Variants in USH2A observed in about 807,000 individuals in gnomAD.
USH2A encodes Usher syndrome 2A (autosomal recessive, mild).
In USH2A, 443 loss-of-function variants were observed where a neutral mutation model predicts 538.9. The ratio of observed to expected loss-of-function variants is 0.82; its 90% CI spans 0.76 to 0.89. The LOEUF is 0.89. Among genes scored for constraint, USH2A ranks in the 40% least tolerant of loss-of-function variants. The pLI, the probability that USH2A is intolerant of heterozygous loss-of-function variation, is 0.00. For synonymous variants in USH2A, 2,413 were observed against 2,273.5 expected (o/e 1.06, Z -1.75); for missense variants, 6,633 against 6,324.8 (o/e 1.05, Z -1.65).
chr1:215,930,055 A>G (rs1666325584), intron 38 of USH2A, among the ~76,000 whole-genome samples: 1 of 152,012 alleles, frequency 6.6e-6, no homozygotes, highest in South Asian at 2.1e-4. Flanking sequence ...GATTTTCTCA[A>G]GCCTAGTATT....
At chr1:215,765,223 C>T (rs1661093477) in intron 56 of USH2A, among the ~76,000 whole-genome samples, 1 of 152,128 alleles carries the variant, frequency 6.6e-6, no homozygotes, top group Admixed American at 6.6e-5. Context: ...CCATTATCAT[C>T]AAAGTATCCA....
At chr1:216,384,885 C>T (rs2038979725) in intron 3 of USH2A, among the ~76,000 whole-genome samples, 1 of 152,150 alleles carries the variant, frequency 6.6e-6, no homozygotes, top group Non-Finnish European at 1.5e-5. Context: ...GACTCAAAGA[C>T]AATATAAGCA....
intron 47 of USH2A, among the ~76,000 whole-genome samples, chr1:215,828,491 T>C (rs1663219855): frequency 6.6e-6 from 1 of 152,114 alleles, no homozygotes; most frequent in East Asian, 1.9e-4. Flanking sequence ...TTAATAACGA[T>C]AGTGGTTTAG....
chr1:216,205,686 G>A (rs558644792), intron 16 of USH2A, among the ~76,000 whole-genome samples: 1 of 152,220 alleles, frequency 6.6e-6, no homozygotes, highest in South Asian at 2.1e-4. Context: ...AATTAAGCAT[G>A]GTTAAAGTAG....
rs570245301 is a variant in USH2A at position 216,376,562 on chromosome 1, A to C, written c.652-11477T>G. ...ATCACCATTTTCACTTTTCCTCAAA[A>C]TGTTTATAGTTTTTTAAAAATCTCT... On this transcript the variant is annotated intron_variant, in intron 3 of 71. Transcript: ENST00000307340. 2.0e-5 allele frequency among the ~76,000 whole-genome samples: 3 copies of C among 152,318 alleles called. No homozygotes were observed. The South Asian group carries it at 6.2e-4, about 32-fold the overall frequency.
chr1:215,746,490 G>C (rs942955855), intron 58 of USH2A, among the ~76,000 whole-genome samples: 3 of 152,148 alleles, frequency 2.0e-5, no homozygotes, highest in African/African-American at 7.2e-5. Flanking sequence ...GTTTTTACTA[G>C]TGCATGGTGG....
chr1:215,763,480 C>T (rs1360879897), intron 56 of USH2A, among the ~76,000 whole-genome samples: 1 of 151,970 alleles, frequency 6.6e-6, no homozygotes, highest in Admixed American at 6.6e-5. Context: ...TGAGGGGAAC[C>T]CACATAAAGT....
At chr1:216,217,582 A>G (rs1265780023) in intron 14 of USH2A, 32 bp from the exon 15 acceptor site, 2 of 1,610,212 alleles carry the variant, frequency 1.2e-6, no homozygotes, top group East Asian at 4.5e-5. Context: ...CATCAAAGAG[A>G]ATAGTGTTTT....
At chr1:216,063,924 G>A (rs2031264132) in intron 30 of USH2A, among the ~76,000 whole-genome samples, 1 of 152,174 alleles carries the variant, frequency 6.6e-6, no homozygotes, top group African/African-American at 2.4e-5. Flanking sequence ...AAATGAATGT[G>A]TGCTATACAT....
At chr1:216,194,305 T>C (rs1208285693) in intron 19 of USH2A, 3 of 152,044 alleles carry the variant, frequency 2.0e-5, no homozygotes, top group Non-Finnish European at 4.4e-5. Context: ...CTGCGATGAG[T>C]TACCAGTAGA....
chr1:216,420,824 C>G (rs1263581674), intron 2 of USH2A, among the ~76,000 whole-genome samples: 1 of 151,900 alleles, frequency 6.6e-6, no homozygotes, highest in Non-Finnish European at 1.5e-5. Context: ...GTGATTAATC[C>G]AAATTTAAAA....
chr1:216,135,758 G>A (rs1407874637), intron 21 of USH2A, among the ~76,000 whole-genome samples: 1 of 151,982 alleles, frequency 6.6e-6, no homozygotes, highest in Non-Finnish European at 1.5e-5. Context: ...AATCCTATGT[G>A]CATCTTAATA....
chr1:216,218,180 A>T (rs2035381243), intron 14 of USH2A, among the ~76,000 whole-genome samples: 1 of 152,178 alleles, frequency 6.6e-6, no homozygotes, highest in Admixed American at 6.6e-5. Flanking sequence ...ATACAGCATT[A>T]TTCTGATTTA....
intron 30 of USH2A, among the ~76,000 whole-genome samples, chr1:216,057,529 CA>C (rs2031019653): frequency 1.3e-5 from 2 of 151,174 alleles, no homozygotes; most frequent in Admixed American, 1.3e-4. Context: ...ACAAAAAAAA[CA>C]AAAAACAAAA....
At position 215,648,738 on chromosome 1, in the gene USH2A, G is replaced by A; in HGVS notation, c.14372C>T (p.Thr4791Ile). 1.2e-6 allele frequency: 2 copies of A among 1,614,194 alleles called. No individual in the cohort carries two copies. Among genetic ancestry groups the A allele is most frequent in the Non-Finnish European group, 1.7e-6 (2 of 1,180,026 alleles). The part of the protein sequence containing the change: ...VLSEGMATQQ[T>I]LHGLQAFTNY... The stretch of plus-strand genomic sequence containing the variant: ...AGTGAAGGCTTGAAGGCCATGGAGA[G>A]TCTGCTGGGTGGCCATGCCTTCGGA... Residue 4791 changes from threonine (T) to isoleucine (I), a missense_variant, in exon 66 of 72, where the codon ACT becomes ATT. By Grantham distance (89) the Thr-to-Ile change is moderately conservative. Transcript: ENST00000307340.
chr1:216,151,386 CA>C (rs1178688501), intron 21 of USH2A, among the ~76,000 whole-genome samples: 3 of 152,158 alleles, frequency 2.0e-5, no homozygotes, highest in African/African-American at 4.8e-5. Flanking sequence ...TCCTTACCCC[CA>C]AAATTCAATT....
intron 4 of USH2A, among the ~76,000 whole-genome samples, chr1:216,334,424 A>G (rs763872071): frequency 3.3e-5 from 5 of 152,030 alleles, no homozygotes; most frequent in Non-Finnish European, 7.4e-5. Context: ...TTTAGAAGAC[A>G]TAAATCATAT....
At chr1:215,871,629 T>C (rs1430644172) in intron 43 of USH2A, among the ~76,000 whole-genome samples, 1 of 152,228 alleles carries the variant, frequency 6.6e-6, no homozygotes, top group Non-Finnish European at 1.5e-5. Flanking sequence ...ATATTACCAA[T>C]ATGCCAGGTG....
chr1:216,314,480 G>A (rs1254875481), intron 9 of USH2A, among the ~76,000 whole-genome samples: 1 of 151,876 alleles, frequency 6.6e-6, no homozygotes, highest in Non-Finnish European at 1.5e-5. Context: ...GGTAAAATCT[G>A]CGAACAAACA....
Sources: gnomAD v4.1 joint callset for allele counts (sites outside exome capture counted in the v4.1 genomes callset) on GRCh38, gnomAD v4.1.1 for gene constraint, MANE v1.5 for transcripts, NCBI Gene and HGNC (gene_info 2026-07-23, HGNC 2026-07-21) for gene names.